TRMT11: variants seen among roughly 807,000 people sequenced by gnomAD.
TRMT11 encodes tRNA methyltransferase 11, also known as tRNA (guanine(10)-N(2))-methyltransferase TRMT11.
A neutral mutation model predicts 62.8 loss-of-function variants in TRMT11; 53 were observed. The ratio of observed to expected loss-of-function variants is 0.84; its 90% CI spans 0.68 to 1.06. The LOEUF (loss-of-function observed/expected upper bound fraction) is 1.06, where lower values mean the gene tolerates loss of function less well. Among genes scored for constraint, TRMT11 ranks in the 50% least tolerant of loss-of-function variants. The pLI is 0.00. For synonymous variants in TRMT11, 188 were observed against 190.3 expected (o/e 0.99, Z 0.10); for missense variants, 556 against 553.4 (o/e 1.00, Z -0.05).
chr6:125,987,759 G>T (rs947605644), intron 1 of TRMT11, among the ~76,000 whole-genome samples: 1 of 152,190 alleles, frequency 6.6e-6, no homozygotes, highest in Non-Finnish European at 1.5e-5. Context: ...GACTCCTGGG[G>T]TGTATATAGG....
At chr6:125,993,444 C>T (rs916734049) in intron 1 of TRMT11, among the ~76,000 whole-genome samples, 13 of 152,118 alleles carry the variant, frequency 8.5e-5, no homozygotes, top group African/African-American at 2.9e-4. Flanking sequence ...TAACTTTATT[C>T]ATCAATCGTC....
chr6:126,012,007 A>G (rs1034039413), intron 9 of TRMT11, among the ~76,000 whole-genome samples: 2 of 152,180 alleles, frequency 1.3e-5, no homozygotes, highest in Non-Finnish European at 2.9e-5. Context: ...TAGGCAGCCT[A>G]TCTAAGAATA....
chr6:126,261,344 T>C, the TRMT11 span, among the ~76,000 whole-genome samples: 1 of 152,218 alleles, frequency 6.6e-6, no homozygotes, highest in African/African-American at 2.4e-5. Context: ...TCTGATTGCA[T>C]TGAAATATTT....
upstream of TRMT11, among the ~76,000 whole-genome samples, chr6:126,175,241 T>G (rs190298479): frequency 9.8e-5 from 15 of 152,304 alleles, no homozygotes; most frequent in Non-Finnish European, 1.6e-4. Context: ...ATAGAAGAAT[T>G]AAACCTGCTA....
intron 21 of TRMT11, among the ~76,000 whole-genome samples, chr6:126,136,829 A>C (rs1371737601): frequency 2.0e-5 from 3 of 151,782 alleles, no homozygotes; most frequent in Admixed American, 1.3e-4. Context: ...AAGTAAGTGC[A>C]TGTATTTACA....
At chr6:126,246,862 A>G in the TRMT11 span, among the ~76,000 whole-genome samples, 1 of 152,250 alleles carries the variant, frequency 6.6e-6, no homozygotes, top group Non-Finnish European at 1.5e-5. Context: ...GCAGAGACAC[A>G]TGCAAACTAT....
chr6:126,227,625 C>A, the TRMT11 span, among the ~76,000 whole-genome samples: 3 of 152,194 alleles, frequency 2.0e-5, no homozygotes, highest in Non-Finnish European at 4.4e-5. Flanking sequence ...TCCCTTCAAG[C>A]CTCTGAAATT....
At chr6:126,152,237 C>A (rs1028038876) in intron 21 of TRMT11, among the ~76,000 whole-genome samples, 2 of 148,618 alleles carry the variant, frequency 1.3e-5, no homozygotes, top group Admixed American at 6.7e-5. Flanking sequence ...CATGCTAGTT[C>A]ACTTTGGATT....
chr6:126,011,384 A>G lies in TRMT11; in HGVS notation c.892A>G (p.Lys298Glu). The G allele has an allele frequency of 6.2e-7, 1 of 1,613,128 alleles. No homozygotes were observed. The highest frequency in any genetic ancestry group is 8.5e-7 in the Non-Finnish European group (1 of 1,179,444). ...VSDASKPSWR[K>E]GTYFDAIITD... The stretch of plus-strand genomic sequence containing the variant: ...AGATGCATCTAAACCTTCCTGGAGG[A>G]AGGGCACATATTTTGATGCAATCAT... Residue 298 changes from lysine (K) to glutamate (E), a missense_variant, in exon 9 of 13, where the codon AAG becomes GAG. By Grantham distance (56) the Lys-to-Glu change is moderately conservative. Coordinates refer to ENST00000334379, the MANE Select transcript of TRMT11 (RefSeq NM_001031712.3).
At chr6:126,157,259 TC>T (rs748431193) in intron 21 of TRMT11, among the ~76,000 whole-genome samples, 6 of 152,234 alleles carry the variant, frequency 3.9e-5, no homozygotes, top group Non-Finnish European at 7.3e-5. Flanking sequence ...GTTCTTATCT[TC>T]TAGAATTGAC....
chr6:126,032,279 T>G (rs1774345406), intron 12 of TRMT11, among the ~76,000 whole-genome samples: 1 of 152,182 alleles, frequency 6.6e-6, no homozygotes, highest in East Asian at 1.9e-4. Flanking sequence ...CTCCTCTGCT[T>G]AAATCTCATC....
At chr6:126,183,588 T>C (rs185070064) in intron 1 of TRMT11, among the ~76,000 whole-genome samples, 28 of 152,232 alleles carry the variant, frequency 1.8e-4, no homozygotes, top group Middle Eastern at 6.8e-3. Context: ...CAGGGAGTGC[T>C]AAATGCTGGG....
At chr6:126,206,835 C>T (rs1778796030), downstream of TRMT11, among the ~76,000 whole-genome samples, 1 of 152,054 alleles carries the variant, frequency 6.6e-6, no homozygotes, top group African/African-American at 2.4e-5. Flanking sequence ...AACTGTTTTG[C>T]TTTGGAAAAC....
chr6:126,222,970 G>C, the TRMT11 span, among the ~76,000 whole-genome samples: 1 of 152,146 alleles, frequency 6.6e-6, no homozygotes, highest in Non-Finnish European at 1.5e-5. Context: ...ATGGTCTTTT[G>C]TTTCCATGCG....
chr6:126,114,840 G>C (rs1777569433), intron 19 of TRMT11, among the ~76,000 whole-genome samples: 1 of 151,996 alleles, frequency 6.6e-6, no homozygotes. Flanking sequence ...AGATGAACAG[G>C]CTTGATAAAG....
At chr6:126,245,824 G>A in the TRMT11 span, among the ~76,000 whole-genome samples, 1 of 152,182 alleles carries the variant, frequency 6.6e-6, no homozygotes, top group Admixed American at 6.5e-5. Flanking sequence ...TAGGCTGGGT[G>A]TGGTGGCTCA....
chr6:126,008,521 T>A, intron 8 of TRMT11, 49 bp downstream of exon 8: 1 of 1,482,876 alleles, frequency 6.7e-7, no homozygotes, highest in Non-Finnish European at 9.4e-7. Flanking sequence ...TGGTGCCAAA[T>A]GTACCTTTAA....
At chr6:126,008,921 G>GT (rs984349691) in intron 8 of TRMT11, among the ~76,000 whole-genome samples, 22 of 151,896 alleles carry the variant, frequency 1.4e-4, no homozygotes, top group African/African-American at 5.1e-4. Flanking sequence ...AATTTTACTT[G>GT]TTTTTATAAG....
the TRMT11 span, among the ~76,000 whole-genome samples, chr6:126,248,180 C>T: frequency 6.6e-6 from 1 of 152,038 alleles, no homozygotes. Flanking sequence ...ACTCATTGAT[C>T]ATCCTCTGAA....
Sources: gnomAD v4.1 joint callset for allele counts (sites outside exome capture counted in the v4.1 genomes callset) on GRCh38, gnomAD v4.1.1 for gene constraint, MANE v1.5 for transcripts, NCBI Gene and HGNC (gene_info 2026-07-23, HGNC 2026-07-21) for gene names.